KHDRBS2: variants seen among roughly 807,000 people sequenced by gnomAD.
The protein encoded by KHDRBS2 is KH domain-containing, RNA-binding, signal transduction-associated protein 2.
KHDRBS2 carries 26 observed loss-of-function variants against 44.3 expected under a neutral mutation model. The observed-to-expected ratio is 0.59, with a 90% CI of 0.43 to 0.81. The LOEUF is 0.81. Among genes scored for constraint, KHDRBS2 ranks in the 40% least tolerant of loss-of-function variants. The probability of loss-of-function intolerance (pLI) is 0.00; values close to 1 mark genes in which losing one functional copy is unlikely to be tolerated. For missense variants in KHDRBS2, 476 were observed against 433.1 expected (o/e 1.10, Z -0.88); for synonymous variants, 194 against 151.1 (o/e 1.28, Z -2.08).
intron 1 of KHDRBS2, among the ~76,000 whole-genome samples, chr6:62,207,578 A>C (rs1828215935): frequency 6.6e-6 from 1 of 152,158 alleles, no homozygotes; most frequent in African/African-American, 2.4e-5. Context: ...TGCAACTAAT[A>C]AAAGATACAC....
intron 3 of KHDRBS2, among the ~76,000 whole-genome samples, chr6:62,021,318 A>G (rs1421892954): frequency 6.6e-6 from 1 of 151,964 alleles, no homozygotes; most frequent in Non-Finnish European, 1.5e-5. Flanking sequence ...AATAGGCTTA[A>G]TAGCTGGGTG....
chr6:62,175,107 T>C (rs1820818621), intron 2 of KHDRBS2, among the ~76,000 whole-genome samples: 1 of 151,720 alleles, frequency 6.6e-6, no homozygotes, highest in Non-Finnish European at 1.5e-5. Flanking sequence ...TTATGATTTA[T>C]TGTTGTACTA....
chr6:62,024,741 G>A (rs557257894), intron 3 of KHDRBS2, among the ~76,000 whole-genome samples: 13 of 151,548 alleles, frequency 8.6e-5, no homozygotes, highest in African/African-American at 2.4e-4. Context: ...AAAAATTGCC[G>A]CTTTGACCTT....
chr6:61,613,623 T>C, the KHDRBS2 span, among the ~76,000 whole-genome samples: 1 of 145,642 alleles, frequency 6.9e-6, no homozygotes, highest in South Asian at 2.2e-4. Flanking sequence ...TCTTGCTTTA[T>C]TTGGCTATAA....
chr6:61,747,991 T>A (rs1197735084), intron 6 of KHDRBS2, among the ~76,000 whole-genome samples: 3 of 152,152 alleles, frequency 2.0e-5, no homozygotes, highest in Non-Finnish European at 4.4e-5. Context: ...TTAGTTCTGA[T>A]CCTTAATATT....
chr6:61,752,920 G>T (rs1216307955), intron 6 of KHDRBS2, among the ~76,000 whole-genome samples: 1 of 152,018 alleles, frequency 6.6e-6, no homozygotes, highest in African/African-American at 2.4e-5. Flanking sequence ...TTGAATGAGA[G>T]GATATGTTCT....
intron 4 of KHDRBS2, among the ~76,000 whole-genome samples, chr6:61,954,767 TAC>T (rs1267788435): frequency 1.8e-5 from 2 of 112,234 alleles, no homozygotes; most frequent in African/African-American, 6.2e-5. Flanking sequence ...TATGTATGTA[TAC>T]ATACATATGT....
intron 4 of KHDRBS2, among the ~76,000 whole-genome samples, chr6:61,902,395 G>T (rs915037054): frequency 6.6e-6 from 1 of 151,898 alleles, no homozygotes; most frequent in African/African-American, 2.4e-5. Context: ...TATCAGGGTG[G>T]AAATACACCA....
the KHDRBS2 span, among the ~76,000 whole-genome samples, chr6:61,623,825 T>G: frequency 1.3e-5 from 2 of 152,152 alleles, no homozygotes; most frequent in African/African-American, 4.8e-5. Flanking sequence ...CAGTTTGATA[T>G]GTGGGAGTGA....
At chr6:61,773,247 A>C (rs1171329435) in intron 6 of KHDRBS2, among the ~76,000 whole-genome samples, 1 of 152,192 alleles carries the variant, frequency 6.6e-6, no homozygotes, top group African/African-American at 2.4e-5. Flanking sequence ...AGTAGTTTAC[A>C]GTCCCACCAA....
At chr6:62,130,661 C>A (rs1407238774) in intron 2 of KHDRBS2, among the ~76,000 whole-genome samples, 2 of 151,820 alleles carry the variant, frequency 1.3e-5, no homozygotes, top group Non-Finnish European at 2.9e-5. Flanking sequence ...TCCCAATAAA[C>A]CCATTGTAAG....
At chr6:61,955,710 A>ATATATGTGTATATGTACACATATG (rs1562522455) in intron 4 of KHDRBS2, among the ~76,000 whole-genome samples, 4 of 106,950 alleles carry the variant, frequency 3.7e-5, no homozygotes, top group East Asian at 2.7e-4. Flanking sequence ...ATATATACAC[A>ATATATGTGTATATGTACACATATG]TATGTATGTA....
At chr6:61,606,169 G>C in the KHDRBS2 span, among the ~76,000 whole-genome samples, 2 of 151,948 alleles carry the variant, frequency 1.3e-5, no homozygotes, top group Non-Finnish European at 2.9e-5. Context: ...ATCTCCCTTC[G>C]CTGAGTCTCT....
the KHDRBS2 span, among the ~76,000 whole-genome samples, chr6:61,569,964 A>G: frequency 2.0e-5 from 3 of 152,170 alleles, no homozygotes; most frequent in Admixed American, 2.0e-4. Flanking sequence ...GAAATAGTCT[A>G]CCCAAATGAT....
intron 7 of KHDRBS2, among the ~76,000 whole-genome samples, chr6:61,715,424 A>C (rs141002991): frequency 1.2e-3 from 175 of 151,924 alleles, no homozygotes; most frequent in Admixed American, 3.0e-3. Context: ...CTATCGCCTC[A>C]GCTATATGCC....
At chr6:62,149,691 A>G (rs774450391) in intron 2 of KHDRBS2, among the ~76,000 whole-genome samples, 2 of 152,230 alleles carry the variant, frequency 1.3e-5, no homozygotes, top group Non-Finnish European at 2.9e-5. Context: ...AAAGAATTTG[A>G]CAGTCATTTT....
chr6:62,221,868 T>C (rs527678708), intron 1 of KHDRBS2, among the ~76,000 whole-genome samples: 6 of 152,240 alleles, frequency 3.9e-5, no homozygotes, highest in African/African-American at 1.4e-4. Context: ...AATTCACAAA[T>C]TTTAAAAAAC....
chr6:61,904,672 G>A lies in KHDRBS2; in HGVS notation c.484-3301C>T, dbSNP rs72882422. On this transcript the variant is annotated intron_variant, in intron 4 of 8. Transcript: ENST00000281156. ...AGGATTCCTCTAACTATGCCTCTGGGGATTCCTTAATAGCACTGCTGAACT... is the reference window on the plus strand; with the variant it reads ...AGGATTCCTCTAACTATGCCTCTGGAGATTCCTTAATAGCACTGCTGAACT... Among the ~76,000 whole-genome samples, 1,154 of 152,240 alleles carry A rather than the reference G, an allele frequency of 7.6e-3. 9 individuals are homozygous for A. Among genetic ancestry groups the A allele is most frequent in the Non-Finnish European group, 0.01 (700 of 68,024 alleles).
At chr6:61,645,173 G>A in the KHDRBS2 span, among the ~76,000 whole-genome samples, 2 of 152,090 alleles carry the variant, frequency 1.3e-5, no homozygotes, top group Non-Finnish European at 2.9e-5. Flanking sequence ...GAACATGGAT[G>A]GAACTGGAGG....
Sources: gnomAD v4.1 joint callset for allele counts (sites outside exome capture counted in the v4.1 genomes callset) on GRCh38, gnomAD v4.1.1 for gene constraint, MANE v1.5 for transcripts, NCBI Gene and HGNC (gene_info 2026-07-23, HGNC 2026-07-21) for gene names.